RAD21L1: variants seen among roughly 807,000 people sequenced by gnomAD.
RAD21L1 encodes the protein RAD21 cohesin complex component like 1, also known as double-strand-break repair protein rad21-like protein 1.
RAD21L1 carries 47 observed loss-of-function variants against 69.0 expected under a neutral mutation model. The observed-to-expected ratio is 0.68, with a 90% CI of 0.54 to 0.87. The LOEUF is 0.87. RAD21L1 is among the 40% of genes least tolerant of loss of function. The pLI is 0.00. For missense variants in RAD21L1, 583 were observed against 647.6 expected (o/e 0.90, Z 1.08); for synonymous variants, 177 against 205.8 (o/e 0.86, Z 1.20).
chr20:1,229,928 C>T lies in RAD21L1; in HGVS notation c.193C>T (p.Arg65Ter), dbSNP rs1486914928. 3 of 1,549,356 alleles carry T rather than the reference C, an allele frequency of 1.9e-6. No individual in the cohort carries two copies. The highest frequency in any genetic ancestry group is 2.5e-5 in the East Asian group (1 of 40,804). ...AGGACACCTTCTTTTGGGAGTTGTT[C>T]GAATCTATAACAGGAAGGCAAAATA... ...TSGHLLLGVV[R>*]IYNRKAKYLL... Residue 65 changes from arginine (R) to a stop codon, truncating the protein, a stop_gained, in exon 3 of 14, where the codon CGA becomes TGA. Coordinates refer to ENST00000683101, the MANE Select transcript of RAD21L1 (RefSeq NM_001384355.1). LOFTEE classifies it high-confidence loss of function.
chr20:1,242,991 T>A, intron 9 of RAD21L1, 106 bp from the exon 10 acceptor site: 1 of 913,914 alleles, frequency 1.1e-6, no homozygotes, highest in Non-Finnish European at 1.7e-6. Flanking sequence ...ATTTTCTGTA[T>A]TGTGTGTATG....
In RAD21L1 at chr20:1,242,783, G is replaced by A. The variant is rs956324930; in HGVS notation, c.1021G>A (p.Gly341Arg). 50 of 1,551,444 alleles carry A rather than the reference G, an allele frequency of 3.2e-5. No homozygotes were observed. The highest frequency in any genetic ancestry group is 4.0e-5 in the Non-Finnish European group (46 of 1,146,940). Residue 341 changes from glycine to arginine, a missense_variant, in exon 9 of 14, where the codon GGA becomes AGA. Coordinates refer to ENST00000683101, the MANE Select transcript of RAD21L1 (RefSeq NM_001384355.1). The stretch of plus-strand genomic sequence containing the variant: ...AAGATTGATGATGTGGAAGAAGAGG[G>A]GAGGAGTGCATACACTTCTGTCAAC... Reference protein sequence around the residue: ...TQRLMMWKKRGGVHTLLSTAA... With the variant: ...TQRLMMWKKRRGVHTLLSTAA...
chr20:1,230,614 C>T (rs2087369630), intron 3 of RAD21L1: 1 of 322,970 alleles, frequency 3.1e-6, no homozygotes, highest in Admixed American at 6.5e-5. Context: ...AAGGCAAGGT[C>T]TTTGTCATAA....
In RAD21L1 at chr20:1,242,712, C is replaced by T. The variant is rs868818190; in HGVS notation, c.950C>T (p.Ser317Phe). The change falls in exon 9 of 14, where the codon TCC becomes TTC. Residue 317 changes from serine (S) to phenylalanine (F), a missense_variant. Transcript: ENST00000683101. ...SSKVIHKQLT[S>F]FADTLMVLEL... is the part of the protein sequence containing the mutation. ...AAAGTTATACATAAACAGCTTACTT[C>T]CTTTGCGGACACACTCATGGTTTTG... 2 of 1,551,544 alleles carry T rather than the reference C, an allele frequency of 1.3e-6. No homozygotes were observed. The highest frequency in any genetic ancestry group is 2.0e-5 in the Admixed American group (1 of 51,004).
chr20:1,238,969 G>A (rs144636283), intron 6 of RAD21L1, among the ~76,000 whole-genome samples: 2,833 of 152,108 alleles, frequency 0.019, 38 homozygotes, highest in Non-Finnish European at 0.029. Flanking sequence ...GATTACAGGT[G>A]CCCACCACAA....
At chr20:1,229,071 A>G (rs999904170) in intron 2 of RAD21L1, among the ~76,000 whole-genome samples, 2 of 152,176 alleles carry the variant, frequency 1.3e-5, no homozygotes, top group African/African-American at 2.4e-5. Context: ...TAAGTTAAGT[A>G]TTTTTCAACT....
At chr20:1,253,768 T>C (rs534655037) in intron 13 of RAD21L1, among the ~76,000 whole-genome samples, 1 of 152,364 alleles carries the variant, frequency 6.6e-6, no homozygotes, top group African/African-American at 2.4e-5. Flanking sequence ...ATCTTTTTAA[T>C]CTGTGCAAAG....
intron 5 of RAD21L1, among the ~76,000 whole-genome samples, chr20:1,235,211 C>T (rs2087469450): frequency 6.6e-6 from 1 of 152,096 alleles, no homozygotes; most frequent in African/African-American, 2.4e-5. Flanking sequence ...ATTTGAGTTT[C>T]CTATAGTGCC....
chr20:1,248,513 C>T (rs557699005), intron 12 of RAD21L1, 113 bp from the exon 13 acceptor site: 13 of 553,378 alleles, frequency 2.3e-5, no homozygotes, highest in African/African-American at 3.9e-5. Flanking sequence ...CTTTATTTGG[C>T]AGGACCCATT....
chr20:1,248,504 T>A (rs1341963433), intron 12 of RAD21L1, 122 bp from the exon 13 acceptor site: 1 of 530,850 alleles, frequency 1.9e-6, no homozygotes, highest in Non-Finnish European at 3.4e-6. Flanking sequence ...TTATAAGCTC[T>A]TTATTTGGCA....
intron 5 of RAD21L1, among the ~76,000 whole-genome samples, chr20:1,234,796 G>A (rs1487796257): frequency 2.0e-5 from 3 of 152,060 alleles, no homozygotes; most frequent in Non-Finnish European, 4.4e-5. Context: ...TGTCACCCAG[G>A]TTGGAATGCA....
chr20:1,227,773 T>A (rs1013211277), intron 1 of RAD21L1, among the ~76,000 whole-genome samples: 6 of 152,226 alleles, frequency 3.9e-5, no homozygotes, highest in Admixed American at 2.0e-4. Context: ...AACATTTAAA[T>A]TTGATTCGTG....
At position 1,254,505 on chromosome 20, in the gene RAD21L1, A is replaced by G. The variant is rs1423349407; in HGVS notation, c.*48A>G. 1 of 1,350,622 alleles carries G rather than the reference A, an allele frequency of 7.4e-7. No individual in the cohort carries two copies. The highest frequency in any genetic ancestry group is 1.5e-5 in the African/African-American group (1 of 67,996). 83.7% of individuals were successfully genotyped at this position (1,350,622 alleles called of 1,614,324 possible). On this transcript the variant is annotated 3_prime_UTR_variant, in exon 14 of 14. Transcript: ENST00000683101. ...TATGGCATCACTGGAATTTCTGTGTAGATTGTTCAATTTAATGCAGAAGCC... is the reference window on the plus strand; with the variant it reads ...TATGGCATCACTGGAATTTCTGTGTGGATTGTTCAATTTAATGCAGAAGCC...
At chr20:1,234,638 C>T (rs574699082) in intron 5 of RAD21L1, among the ~76,000 whole-genome samples, 1 of 152,248 alleles carries the variant, frequency 6.6e-6, no homozygotes, top group East Asian at 1.9e-4. Flanking sequence ...TTAAATCAGC[C>T]TGGGGGTGAG....
At chr20:1,252,940 C>A (rs1315405152) in intron 13 of RAD21L1, among the ~76,000 whole-genome samples, 1 of 152,194 alleles carries the variant, frequency 6.6e-6, no homozygotes, top group Non-Finnish European at 1.5e-5. Flanking sequence ...CTGAAGGGAA[C>A]ACAAATAAAC....
chr20:1,231,411 G>A (rs1053590486), intron 3 of RAD21L1, 115 bp from the exon 4 acceptor site: 2 of 662,404 alleles, frequency 3.0e-6, no homozygotes, highest in African/African-American at 3.7e-5. Flanking sequence ...GGAGTAGATA[G>A]AGGAAAACTA....
At chr20:1,235,581 CT>C (rs1440442602) in intron 5 of RAD21L1, among the ~76,000 whole-genome samples, 1 of 152,116 alleles carries the variant, frequency 6.6e-6, no homozygotes, top group African/African-American at 2.4e-5. Context: ...GCTTTTATTT[CT>C]GTATTTTCTT....
intron 2 of RAD21L1, among the ~76,000 whole-genome samples, chr20:1,229,139 C>T (rs1053804221): frequency 2.0e-5 from 3 of 152,122 alleles, no homozygotes; most frequent in Admixed American, 1.3e-4. Flanking sequence ...GGACTTTATG[C>T]CTATAAGTCT....
At chr20:1,253,381 C>G (rs1409224825) in intron 13 of RAD21L1, among the ~76,000 whole-genome samples, 1 of 152,154 alleles carries the variant, frequency 6.6e-6, no homozygotes, top group Non-Finnish European at 1.5e-5. Context: ...ACTGCAACCT[C>G]ATCCTCCTGG....
Sources: gnomAD v4.1 joint callset for allele counts (sites outside exome capture counted in the v4.1 genomes callset) on GRCh38, gnomAD v4.1.1 for gene constraint, MANE v1.5 for transcripts, NCBI Gene and HGNC (gene_info 2026-07-23, HGNC 2026-07-21) for gene names.